SPIDR: variants seen among roughly 807,000 people sequenced by gnomAD.
The protein encoded by SPIDR is DNA repair-scaffolding protein.
A neutral mutation model predicts 104.6 loss-of-function variants in SPIDR; 93 were observed. The ratio of observed to expected loss-of-function variants is 0.89; its 90% confidence interval spans 0.75 to 1.06. The LOEUF (loss-of-function observed/expected upper bound fraction) is 1.06. Among genes scored for constraint, SPIDR ranks in the 50% least tolerant of loss-of-function variants. The pLI is 0.00. For synonymous variants in SPIDR, 431 were observed against 416.9 expected, an observed-to-expected ratio of 1.03 and a Z score of -0.41; for missense variants, 1,154 against 1,111.2, an observed-to-expected ratio of 1.04 and a Z score of -0.55.
In SPIDR at chr8:47,700,255, C is replaced by T. The variant is rs28603312; in HGVS notation, c.1686-148C>T. On this transcript the variant is annotated intron_variant, in intron 11 of 19. Transcript: ENST00000297423. Reference sequence around the variant, plus strand: ...AGTGTCTGTCCATCTGTCTGTGTGCCTTCTTCCCCCTCTGAATCGCCACAC... The same window carrying T: ...AGTGTCTGTCCATCTGTCTGTGTGCTTTCTTCCCCCTCTGAATCGCCACAC... The T allele has an allele frequency of 8.5e-3, 7,016 of 825,516 alleles. 313 individuals carry two copies. In the African/African-American group the frequency reaches 0.094, roughly 11 times the overall value. The allele number at this position is 825,516 out of a possible 1,614,324, so 51.1% of individuals were successfully genotyped here. A position where few individuals can be genotyped will look rare whatever the true frequency, so the allele number is the denominator to read the frequency against.
intron 8 of SPIDR, among the ~76,000 whole-genome samples, chr8:47,448,885 G>A (rs2071184456): frequency 6.6e-6 from 1 of 152,164 alleles, no homozygotes; most frequent in South Asian, 2.1e-4. Context: ...AGGGGTATAT[G>A]TAGTGCTTTG....
intron 5 of SPIDR, among the ~76,000 whole-genome samples, chr8:47,378,257 G>A (rs2058901788): frequency 6.6e-6 from 1 of 152,064 alleles, no homozygotes; most frequent in African/African-American, 2.4e-5. Flanking sequence ...GCTCATTGTG[G>A]CCAATAAAAT....
chr8:47,653,020 CCTGAAGA>C (rs1216586445), intron 10 of SPIDR, among the ~76,000 whole-genome samples: 2 of 152,184 alleles, frequency 1.3e-5, no homozygotes, highest in Non-Finnish European at 2.9e-5. Flanking sequence ...AACTACAGAG[CCTGAAGA>C]CTATATAAGC....
intron 6 of SPIDR, among the ~76,000 whole-genome samples, chr8:47,405,114 A>G (rs1379610655): frequency 6.6e-6 from 1 of 152,132 alleles, no homozygotes; most frequent in Non-Finnish European, 1.5e-5. Flanking sequence ...AAGGAGAACC[A>G]GACACCGCAT....
chr8:47,689,290 A>C (rs4873565), intron 11 of SPIDR, among the ~76,000 whole-genome samples: 69,831 of 152,060 alleles, frequency 0.46, 19,101 homozygotes, highest in East Asian at 0.66. Flanking sequence ...TGGTTGGCTT[A>C]CCTTTAACCA....
intron 10 of SPIDR, among the ~76,000 whole-genome samples, chr8:47,613,451 G>A (rs1445943664): frequency 2.6e-5 from 4 of 152,102 alleles, no homozygotes; most frequent in East Asian, 1.9e-4. Flanking sequence ...ATGTTGCTAC[G>A]AACATCTGCA....
At chr8:47,544,572 G>T (rs889852046) in intron 8 of SPIDR, among the ~76,000 whole-genome samples, 2 of 152,028 alleles carry the variant, frequency 1.3e-5, no homozygotes, top group African/African-American at 4.8e-5. Context: ...TTTGCCTGTG[G>T]GTGTCCAATT....
At chr8:47,569,457 T>C (rs144269177) in intron 8 of SPIDR, among the ~76,000 whole-genome samples, 1 of 152,284 alleles carries the variant, frequency 6.6e-6, no homozygotes, top group East Asian at 1.9e-4. Context: ...AACAACATAA[T>C]ACCCATTCTT....
rs1589629956 is a variant in SPIDR at position 47,732,070 on chromosome 8, A to G, written c.2604+2605A>G. 76 of 695,388 alleles carry G rather than the reference A, an allele frequency of 1.1e-4. No individual in the cohort carries two copies. The East Asian group carries it at 2.0e-3, about 18-fold the overall frequency. 43.1% of individuals were successfully genotyped at this position (695,388 alleles called of 1,614,324 possible). A position where few individuals can be genotyped will look rare whatever the true frequency, so the allele number is the denominator to read the frequency against. On this transcript the variant is annotated intron_variant, in intron 19 of 19. Coordinates refer to ENST00000297423, the MANE Select transcript of SPIDR (RefSeq NM_001080394.4). The stretch of plus-strand genomic sequence containing the variant: ...TGCCTGGCATCCCTGGTCACCATCC[A>G]GGAAGTCTCCAGCAATGGACAGTGC...
chr8:47,593,802 G>A (rs1382270326), intron 8 of SPIDR, among the ~76,000 whole-genome samples: 1 of 152,132 alleles, frequency 6.6e-6, no homozygotes, highest in Non-Finnish European at 1.5e-5. Flanking sequence ...CTAAGCCTCT[G>A]CTGACACCAC....
At chr8:47,426,689 G>A (rs1025882734) in intron 7 of SPIDR, among the ~76,000 whole-genome samples, 1 of 152,186 alleles carries the variant, frequency 6.6e-6, no homozygotes, top group Non-Finnish European at 1.5e-5. Context: ...CACCTGCCTG[G>A]AGGCTGGGAA....
intron 5 of SPIDR, among the ~76,000 whole-genome samples, chr8:47,329,352 T>C (rs570971128): frequency 1.8e-4 from 28 of 152,266 alleles, no homozygotes; most frequent in Non-Finnish European, 3.1e-4. Flanking sequence ...ATTACAGGCG[T>C]GAGCCACCGC....
chr8:47,691,610 T>C (rs1184162360), intron 11 of SPIDR, among the ~76,000 whole-genome samples: 5 of 152,224 alleles, frequency 3.3e-5, no homozygotes, highest in Non-Finnish European at 7.3e-5. Context: ...GCCACAGTTT[T>C]ATATAGTTGT....
At chr8:47,418,390 G>A (rs907743698) in intron 7 of SPIDR, among the ~76,000 whole-genome samples, 4 of 152,160 alleles carry the variant, frequency 2.6e-5, no homozygotes, top group African/African-American at 4.8e-5. Context: ...AAGCAATTGT[G>A]TATGGGAATT....
intron 12 of SPIDR, 64 bp downstream of exon 12, chr8:47,700,554 G>T: frequency 2.0e-6 from 3 of 1,517,438 alleles, no homozygotes; most frequent in African/African-American, 1.4e-5. Context: ...GCCAAGCCAG[G>T]CGTCATCACT....
chr8:47,708,278 G>A (rs1391930288), intron 14 of SPIDR, among the ~76,000 whole-genome samples: 2 of 152,352 alleles, frequency 1.3e-5, no homozygotes, highest in East Asian at 1.9e-4. Context: ...CAGCCTGGGC[G>A]ACAGAGCGAG....
intron 8 of SPIDR, among the ~76,000 whole-genome samples, chr8:47,447,575 G>A (rs1422854742): frequency 6.6e-6 from 1 of 152,124 alleles, no homozygotes; most frequent in Non-Finnish European, 1.5e-5. Flanking sequence ...ATTGTTGAGA[G>A]GACAACAAAG....
At chr8:47,302,868 C>T (rs1055798458) in intron 5 of SPIDR, among the ~76,000 whole-genome samples, 2 of 152,202 alleles carry the variant, frequency 1.3e-5, no homozygotes, top group Non-Finnish European at 2.9e-5. Flanking sequence ...TGGGGGGTCC[C>T]TCCCAGTTAG....
At chr8:47,606,688 T>C (rs970130258) in intron 10 of SPIDR, among the ~76,000 whole-genome samples, 1 of 152,180 alleles carries the variant, frequency 6.6e-6, no homozygotes. Context: ...AGAAAGACTC[T>C]TGGATAAAGC....
Sources: allele counts gnomAD v4.1 joint callset (sites outside exome capture counted in the v4.1 genomes callset), GRCh38; gene constraint gnomAD v4.1.1; transcripts MANE v1.5; gene names NCBI Gene and HGNC (gene_info 2026-07-23, HGNC 2026-07-21).